FAT4: variants seen among roughly 807,000 people sequenced by gnomAD.
The protein encoded by FAT4 is protocadherin Fat 4.
Under a neutral mutation model 303.9 loss-of-function variants are expected in FAT4, and 84 were observed. That is an observed-to-expected ratio of 0.28 (90% confidence interval 0.23 to 0.33). The LOEUF is 0.33. FAT4 is among the 10% of genes least tolerant of loss of function. The pLI, the probability that FAT4 is intolerant of heterozygous loss-of-function variation, is 1.00. For missense variants in FAT4, 6,005 were observed against 6,146.8 expected (o/e 0.98, Z 0.77); for synonymous variants, 2,307 against 2,298.8 (o/e 1.00, Z -0.10).
At position 125,450,513 on chromosome 4, in the gene FAT4, C is replaced by G. The variant is rs1167760725; in HGVS notation, c.9503C>G (p.Ala3168Gly). The G allele has an allele frequency of 6.2e-7, 1 of 1,614,054 alleles. No individual in the cohort carries two copies. Among genetic ancestry groups the G allele is most frequent in the African/African-American group, 1.3e-5 (1 of 75,020 alleles). ...CAGAAACACGAAATGACGATTAGTG[C>G]TATAGATGGAGGATGGGTTGCAAGA... ...LCQKHEMTIS[A>G]IDGGWVARTG... Residue 3168 changes from alanine to glycine, a missense_variant, in exon 10 of 18, where the codon GCT becomes GGT. By Grantham distance (60) the Ala-to-Gly change is moderately conservative (BLOSUM62 0). Coordinates refer to ENST00000394329, the MANE Select transcript of FAT4 (RefSeq NM_001291303.3).
At chr4:125,327,196 A>G (rs894407099) in intron 2 of FAT4, among the ~76,000 whole-genome samples, 32 of 152,138 alleles carry the variant, frequency 2.1e-4, no homozygotes, top group Non-Finnish European at 1.5e-5. Context: ...TAGAGCAGGG[A>G]AGAAGATGAG....
chr4:125,321,659 C>G, intron 2 of FAT4, 73 bp downstream of exon 2: 1 of 1,378,476 alleles, frequency 7.3e-7, no homozygotes, highest in Non-Finnish European at 9.7e-7. Context: ...TATTTACTCT[C>G]TATAATTGTT....
At position 125,408,488 on chromosome 4, in the gene FAT4, G is replaced by A. The variant is rs375620527; in HGVS notation, c.5614G>A (p.Val1872Met). The change falls in exon 5 of 18, where the codon GTG (valine) becomes ATG (methionine). Residue 1872 changes from valine to methionine, a missense_variant. Physicochemically the swap from Val to Met is conservative, Grantham distance 21 (BLOSUM62 1). Coordinates refer to ENST00000394329, the MANE Select transcript of FAT4 (RefSeq NM_001291303.3). ...AILATDDDSGVNGEITYIVNE... is the reference protein window; with the variant it reads ...AILATDDDSGMNGEITYIVNE... ...TTTAGCCACGGATGATGACTCTGGT[G>A]TGAATGGAGAAATTACATATATTGT... is the stretch of plus-strand genomic sequence containing the variant. 3 of 1,612,460 alleles carry A rather than the reference G, an allele frequency of 1.9e-6. No homozygotes were observed. Among genetic ancestry groups the A allele is most frequent in the Admixed American group, 1.7e-5 (1 of 59,900 alleles).
intron 10 of FAT4, among the ~76,000 whole-genome samples, chr4:125,461,261 G>C (rs936811393): frequency 2.6e-5 from 4 of 151,850 alleles, no homozygotes; most frequent in African/African-American, 9.7e-5. Context: ...TACACAAAAA[G>C]AACAACACGT....
intron 2 of FAT4, among the ~76,000 whole-genome samples, chr4:125,333,001 T>G (rs1731444275): frequency 6.6e-6 from 1 of 152,074 alleles, no homozygotes. Context: ...TTTTTATTTA[T>G]ACATTGGCTT....
In FAT4 at chr4:125,398,877, T is replaced by G. The variant is rs769262517; in HGVS notation, c.5269T>G (p.Ser1757Ala). ...GGTAGAGGAGAACATTGGAGATGGC[T>G]CTAAGATTATGCAGCTGACAGCCAT... Reference protein sequence around the residue: ...LTVEENIGDGSKIMQLTAMDA... With the variant: ...LTVEENIGDGAKIMQLTAMDA... The change falls in exon 3 of 18, where the codon TCT becomes GCT. Residue 1757 changes from serine to alanine, a missense_variant. Coordinates refer to ENST00000394329, the MANE Select transcript of FAT4 (RefSeq NM_001291303.3). The G allele has an allele frequency of 7.4e-6, 12 of 1,613,160 alleles. No individual in the cohort carries two copies. Among genetic ancestry groups the G allele is most frequent in the Non-Finnish European group, 1.0e-5 (12 of 1,179,436 alleles).
chr4:125,448,378 G>A, intron 9 of FAT4, 83 bp from the exon 10 acceptor site: 2 of 1,228,264 alleles, frequency 1.6e-6, no homozygotes, highest in Non-Finnish European at 2.3e-6. Flanking sequence ...AGCAGCAATA[G>A]AGTGTCTTAT....
chr4:125,483,953 T>TG, intron 16 of FAT4, among the ~76,000 whole-genome samples: 1 of 123,122 alleles, frequency 8.1e-6, no homozygotes, highest in Non-Finnish European at 1.8e-5. Flanking sequence ...TTTTTTTTTT[T>TG]TTTGGCTCCT....
chr4:125,397,569 T>C (rs932799923), intron 2 of FAT4, among the ~76,000 whole-genome samples: 3 of 152,232 alleles, frequency 2.0e-5, no homozygotes, highest in Admixed American at 6.5e-5. Context: ...ATTTGTTTTA[T>C]GATCCACTCT....
At chr4:125,381,847 C>G (rs900824016) in intron 2 of FAT4, among the ~76,000 whole-genome samples, 1 of 152,184 alleles carries the variant, frequency 6.6e-6, no homozygotes, top group African/African-American at 2.4e-5. Flanking sequence ...CTTTTATCAG[C>G]TAAGTTGATT....
chr4:125,488,612 G>T (rs894303506), intron 17 of FAT4, among the ~76,000 whole-genome samples: 2 of 152,150 alleles, frequency 1.3e-5, no homozygotes, highest in Non-Finnish European at 2.9e-5. Context: ...CTCAAAGAAG[G>T]GTAGGTCAGC....
At chr4:125,362,296 A>T (rs1484699348) in intron 2 of FAT4, among the ~76,000 whole-genome samples, 1 of 152,154 alleles carries the variant, frequency 6.6e-6, no homozygotes, top group Non-Finnish European at 1.5e-5. Flanking sequence ...AGAGGGCAAG[A>T]CTGTAAATAG....
chr4:125,350,654 A>G (rs887487463), intron 2 of FAT4, among the ~76,000 whole-genome samples: 1 of 151,660 alleles, frequency 6.6e-6, no homozygotes, highest in Non-Finnish European at 1.5e-5. Context: ...TTGTCCCCAG[A>G]GCTGGCCTCC....
At chr4:125,472,869 G>T (rs1423661597) in intron 12 of FAT4, among the ~76,000 whole-genome samples, 1 of 152,100 alleles carries the variant, frequency 6.6e-6, no homozygotes, top group African/African-American at 2.4e-5. Flanking sequence ...TGCATTCAGG[G>T]TCCTACCAGG....
chr4:125,323,726 C>A (rs945178089), intron 2 of FAT4, among the ~76,000 whole-genome samples: 2 of 152,152 alleles, frequency 1.3e-5, no homozygotes, highest in Non-Finnish European at 2.9e-5. Context: ...TCCTTCTGCT[C>A]AAACAATTAA....
At position 125,468,696 on chromosome 4, in the gene FAT4, T is replaced by G; in HGVS notation, c.12090T>G (p.Leu4030=). ...QTGDRAEFLA[L]EIAEERLRFS... ...GCGACCGGGCTGAGTTTTTGGCCCTTGAAATTGCCGAAGAAAGACTAAGAT... is the reference window on the plus strand; with the variant it reads ...GCGACCGGGCTGAGTTTTTGGCCCTGGAAATTGCCGAAGAAAGACTAAGAT... The change falls in exon 12 of 18, where the codon CTT becomes CTG. Residue 4030 remains leucine, a synonymous_variant. Coordinates refer to ENST00000394329, the MANE Select transcript of FAT4 (RefSeq NM_001291303.3). 1.2e-6 allele frequency: 2 copies of G among 1,614,152 alleles called. No homozygotes were observed. Among genetic ancestry groups the G allele is most frequent in the Non-Finnish European group, 1.7e-6 (2 of 1,180,016 alleles).
chr4:125,437,714 TATC>T (rs1191576520), intron 8 of FAT4, among the ~76,000 whole-genome samples: 3 of 152,188 alleles, frequency 2.0e-5, no homozygotes, highest in African/African-American at 7.2e-5. Context: ...ATAAAAATCA[TATC>T]ATAAGATTCA....
In FAT4 at chr4:125,451,059, T is replaced by G; in HGVS notation, c.10049T>G (p.Ile3350Ser). ...AATAGTCGAAAGAAGGGTTTCCAGA[T>G]CAATAAGAAGACTGGACAGATTTAT... is the stretch of plus-strand genomic sequence containing the variant. Reference protein sequence around the residue: ...FGNSRKKGFQINKKTGQIYVS... With the variant: ...FGNSRKKGFQSNKKTGQIYVS... The change falls in exon 10 of 18, where the codon ATC becomes AGC. Residue 3350 changes from isoleucine to serine, a missense_variant. Transcript: ENST00000394329. 1 of 1,614,004 alleles carries G rather than the reference T, an allele frequency of 6.2e-7. No individual in the cohort carries two copies. Among genetic ancestry groups the G allele is most frequent in the Non-Finnish European group, 8.5e-7 (1 of 1,179,988 alleles).
intron 3 of FAT4, among the ~76,000 whole-genome samples, chr4:125,406,256 C>T (rs983075720): frequency 4.6e-5 from 7 of 152,134 alleles, no homozygotes; most frequent in African/African-American, 1.4e-4. Flanking sequence ...AAGTGACTAT[C>T]CTTTCCCCAT....
Sources: allele counts gnomAD v4.1 joint callset (sites outside exome capture counted in the v4.1 genomes callset), GRCh38; gene constraint gnomAD v4.1.1; transcripts MANE v1.5; gene names NCBI Gene and HGNC (gene_info 2026-07-23, HGNC 2026-07-21).